The following REV3L variants were observed in gnomAD, a reference collection of about 807,000 sequenced individuals.
REV3L encodes the protein DNA polymerase zeta catalytic subunit.
In REV3L, 69 loss-of-function variants were observed where a neutral mutation model predicts 299.4. That is an observed-to-expected ratio of 0.23 (90% confidence interval 0.19 to 0.28). The LOEUF is 0.28. Among genes scored for constraint, REV3L ranks in the 10% least tolerant of loss-of-function variants. The pLI is 1.00. For synonymous variants in REV3L, 1,238 were observed against 1,271.4 expected, an observed-to-expected ratio of 0.97 and a Z score of 0.56; for missense variants, 3,128 against 3,693.8, an observed-to-expected ratio of 0.85 and a Z score of 3.97.
intron 1 of REV3L, among the ~76,000 whole-genome samples, chr6:111,437,055 C>T (rs1019133644): frequency 2.0e-5 from 3 of 152,130 alleles, no homozygotes; most frequent in East Asian, 3.8e-4. Flanking sequence ...CGGAACCACA[C>T]GCTCACTAGG....
intron 1 of REV3L, among the ~76,000 whole-genome samples, chr6:111,459,521 T>G (rs1790518791): frequency 1.3e-5 from 2 of 151,938 alleles, no homozygotes; most frequent in East Asian, 3.9e-4. Flanking sequence ...AGAAACTATG[T>G]ATCTGACAAA....
At chr6:111,317,069 T>C (rs1395378422) in intron 26 of REV3L, among the ~76,000 whole-genome samples, 4 of 152,238 alleles carry the variant, frequency 2.6e-5, no homozygotes, top group Non-Finnish European at 5.9e-5. Flanking sequence ...TTCACTTATA[T>C]TTCTAGTGAA....
At chr6:111,348,173 A>C (rs1248250375) in intron 20 of REV3L, among the ~76,000 whole-genome samples, 3 of 151,432 alleles carry the variant, frequency 2.0e-5, no homozygotes, top group African/African-American at 7.3e-5. Context: ...TCTTGATTGA[A>C]CTCCTGGCCT....
chr6:111,470,601 T>C (rs186425978), intron 1 of REV3L, among the ~76,000 whole-genome samples: 236 of 152,336 alleles, frequency 1.5e-3, no homozygotes, highest in African/African-American at 5.2e-3. Context: ...ATGGCTTCTA[T>C]TTTCAAAACA....
At chr6:111,467,700 G>A (rs1477278553) in intron 1 of REV3L, among the ~76,000 whole-genome samples, 1 of 152,192 alleles carries the variant, frequency 6.6e-6, no homozygotes, top group Non-Finnish European at 1.5e-5. Flanking sequence ...ATAATTTGAA[G>A]TACTATATAG....
chr6:111,467,864 G>A lies in REV3L; in HGVS notation c.139+14886C>T, dbSNP rs146291330. 2.2e-4 allele frequency among the ~76,000 whole-genome samples: 33 copies of A among 152,198 alleles called. 1 individual carries two copies. The highest frequency in any genetic ancestry group is 7.7e-4 in the African/African-American group (32 of 41,542). On this transcript the variant is annotated intron_variant, in intron 1 of 31. Coordinates refer to ENST00000368802, the MANE Select transcript of REV3L (RefSeq NM_001372078.1). The stretch of plus-strand genomic sequence containing the variant: ...AGAGGGAAGACTGTACGTAAGAGTA[G>A]AGCATTGCTAGAAGCACTACCATGA...
chr6:111,326,761 A>G (rs536990890), intron 25 of REV3L, among the ~76,000 whole-genome samples: 3 of 152,148 alleles, frequency 2.0e-5, no homozygotes, highest in Non-Finnish European at 2.9e-5. Flanking sequence ...TATGTGTACA[A>G]TGGAATATCA....
intron 1 of REV3L, among the ~76,000 whole-genome samples, chr6:111,480,700 T>C (rs1328347979): frequency 6.6e-6 from 1 of 152,028 alleles, no homozygotes; most frequent in Non-Finnish European, 1.5e-5. Context: ...AATTTGACTT[T>C]CTCTGTATCA....
chr6:111,458,282 G>C (rs1750646946), intron 1 of REV3L, among the ~76,000 whole-genome samples: 1 of 151,598 alleles, frequency 6.6e-6, no homozygotes, highest in South Asian at 2.1e-4. Flanking sequence ...GGTATCAAAG[G>C]AATATATCTA....
chr6:111,374,479 T>A lies in REV3L; in HGVS notation c.3876A>T (p.Leu1292Phe). ...CTAAGAAAGAAGAAAAGCAGCCAGA[T>A]AACTTCTGTTGTGCATTAATTCCAG... The part of the protein sequence containing the change: ...LPTGINAQQK[L>F]SGCFSSFLES... Residue 1292 changes from leucine (L) to phenylalanine (F), a missense_variant, in exon 13 of 32, where the codon TTA becomes TTT. Transcript: ENST00000368802. 5 of 1,614,082 alleles carry A rather than the reference T, an allele frequency of 3.1e-6. No homozygotes were observed. The highest frequency in any genetic ancestry group is 4.2e-6 in the Non-Finnish European group (5 of 1,179,954).
chr6:111,481,822 T>C (rs745545114), intron 1 of REV3L, among the ~76,000 whole-genome samples: 44 of 152,156 alleles, frequency 2.9e-4, no homozygotes, highest in Non-Finnish European at 4.9e-4. Context: ...TATATTATCA[T>C]AAGCCCCAGG....
rs1481956640 is a variant in REV3L at position 111,376,396 on chromosome 6, A to G, written c.1959T>C (p.Ser653=). The G allele has an allele frequency of 6.2e-7, 1 of 1,613,380 alleles. No homozygotes were observed. Among genetic ancestry groups the G allele is most frequent in the South Asian group, 1.1e-5 (1 of 90,900 alleles). ...AATCAAAAATACTACTTTCACAGGA[A>G]GATACTGGGAGGATCTCTTTCTTAC... ...ENSKKEILPV[S]SCESSIFDYE... The change falls in exon 13 of 32, where the codon TCT becomes TCC. Residue 653 remains serine, a synonymous_variant. Coordinates refer to ENST00000368802, the MANE Select transcript of REV3L (RefSeq NM_001372078.1).
At chr6:111,367,082 A>G in intron 14 of REV3L, 33 bp downstream of exon 14, 7 of 1,473,768 alleles carry the variant, frequency 4.7e-6, no homozygotes, top group Non-Finnish European at 5.5e-6. Flanking sequence ...CTGAAGAACA[A>G]TTATGGAGAC....
At chr6:111,360,158 C>G (rs1778499752) in intron 16 of REV3L, among the ~76,000 whole-genome samples, 1 of 152,108 alleles carries the variant, frequency 6.6e-6, no homozygotes, top group African/African-American at 2.4e-5. Context: ...ATGGAATATT[C>G]TGTAACCTTT....
chr6:111,425,551 G>C (rs943412806), intron 1 of REV3L, among the ~76,000 whole-genome samples: 1 of 152,116 alleles, frequency 6.6e-6, no homozygotes, highest in Non-Finnish European at 1.5e-5. Flanking sequence ...AACTGGGTGG[G>C]TAGAGAGGAA....
chr6:111,408,094 A>C (rs1175065870), intron 3 of REV3L, among the ~76,000 whole-genome samples: 1 of 152,244 alleles, frequency 6.6e-6, no homozygotes, highest in African/African-American at 2.4e-5. Flanking sequence ...AATTGGAAAG[A>C]AAGACGGGAA....
intron 30 of REV3L, 163 bp from the exon 31 acceptor site, chr6:111,307,733 G>C (rs1356818275): frequency 4.8e-6 from 3 of 621,796 alleles, no homozygotes; most frequent in Non-Finnish European, 8.4e-6. Flanking sequence ...CCAGACACTG[G>C]AGCTACAGAA....
chr6:111,329,418 A>G, intron 25 of REV3L, 114 bp downstream of exon 25: 1 of 877,090 alleles, frequency 1.1e-6, no homozygotes, highest in South Asian at 1.4e-5. Flanking sequence ...CTCTGGGCTG[A>G]AGACCCCCGC....
rs3218576 is a variant in REV3L, at chr6:111,363,982, T to TAA, written c.6754-6_6754-5dup. 1.9e-6 allele frequency: 3 copies of TAA among 1,559,256 alleles called. No individual in the cohort carries two copies. Among genetic ancestry groups the TAA allele is most frequent in the East Asian group, 2.3e-5 (1 of 42,838 alleles). On this transcript the variant is annotated splice_polypyrimidine_tract_variant and splice_region_variant and intron_variant, in intron 15 of 31. Coordinates refer to ENST00000368802, the MANE Select transcript of REV3L (RefSeq NM_001372078.1). ...TATTTACTGCTGCAAATTGATTCTA[T>TAA]AAAAAAAAACACACACACACACAGC...
Sources: gnomAD v4.1 joint callset for allele counts (sites outside exome capture counted in the v4.1 genomes callset) on GRCh38, gnomAD v4.1.1 for gene constraint, MANE v1.5 for transcripts, NCBI Gene and HGNC (gene_info 2026-07-23, HGNC 2026-07-21) for gene names.